DNAJC3: variants seen among roughly 807,000 people sequenced by gnomAD.
DNAJC3 encodes dnaJ homolog subfamily C member 3.
DNAJC3 carries 38 observed loss-of-function variants against 68.6 expected under a neutral mutation model. The observed-to-expected ratio is 0.55, with a 90% confidence interval of 0.43 to 0.73. The LOEUF (loss-of-function observed/expected upper bound fraction) is 0.73. Ranked by LOEUF, DNAJC3 falls within the 30% of genes least tolerant of loss-of-function variation. The pLI is 0.00. For synonymous variants in DNAJC3, 203 were observed against 204.0 expected, an observed-to-expected ratio of 1.00 and a Z score of 0.04; for missense variants, 526 against 591.9, an observed-to-expected ratio of 0.89 and a Z score of 1.16.
chr13:95,712,919 T>G (rs373825405), intron 2 of DNAJC3, among the ~76,000 whole-genome samples: 4 of 152,178 alleles, frequency 2.6e-5, no homozygotes, highest in African/African-American at 9.7e-5. Flanking sequence ...GTTAATTTAA[T>G]CATGGGGGTG....
chr13:95,705,319 C>T (rs1260753045), intron 1 of DNAJC3, among the ~76,000 whole-genome samples: 3 of 152,176 alleles, frequency 2.0e-5, no homozygotes, highest in East Asian at 1.9e-4. Flanking sequence ...CATTGATGTG[C>T]CCACCTAGTC....
At chr13:95,771,327 T>G (rs912115460) in intron 9 of DNAJC3, among the ~76,000 whole-genome samples, 2 of 152,174 alleles carry the variant, frequency 1.3e-5, no homozygotes, top group African/African-American at 4.8e-5. Context: ...TTAAAGACAG[T>G]AAGTCAGACT....
intron 1 of DNAJC3, among the ~76,000 whole-genome samples, chr13:95,680,613 G>A (rs1594765305): frequency 6.6e-6 from 1 of 152,300 alleles, no homozygotes; most frequent in East Asian, 1.9e-4. Context: ...TAGTATCAAA[G>A]TTCCAGTTCT....
chr13:95,773,465 C>T (rs1883210297), intron 9 of DNAJC3, among the ~76,000 whole-genome samples: 2 of 151,876 alleles, frequency 1.3e-5, no homozygotes, highest in African/African-American at 4.8e-5. Flanking sequence ...AGTCACTGCA[C>T]CTGGCCTTAT....
At chr13:95,780,671 T>C (rs577365122) in intron 9 of DNAJC3, among the ~76,000 whole-genome samples, 129 of 152,322 alleles carry the variant, frequency 8.5e-4, no homozygotes, top group Non-Finnish European at 1.1e-3. Context: ...TTTTGTGTGA[T>C]AGGCAGCAGG....
At chr13:95,713,627 G>A (rs991252491) in intron 2 of DNAJC3, among the ~76,000 whole-genome samples, 17 of 152,100 alleles carry the variant, frequency 1.1e-4, no homozygotes, top group African/African-American at 1.2e-4. Flanking sequence ...AAATTGACTC[G>A]CTGATTCTAA....
intron 1 of DNAJC3, among the ~76,000 whole-genome samples, chr13:95,700,306 G>T (rs1880550914): frequency 6.6e-6 from 1 of 152,216 alleles, no homozygotes; most frequent in African/African-American, 2.4e-5. Context: ...TTTCATAAAA[G>T]AGGTTTTCAG....
At chr13:95,762,848 T>TATGAGTGAGAATATG (rs1882865194) in intron 7 of DNAJC3, among the ~76,000 whole-genome samples, 1 of 152,154 alleles carries the variant, frequency 6.6e-6, no homozygotes, top group Non-Finnish European at 1.5e-5. Flanking sequence ...AGCTCCCACT[T>TATGAGTGAGAATATG]ATGAGTGAGA....
At chr13:95,719,438 C>A (rs901486257) in intron 2 of DNAJC3, among the ~76,000 whole-genome samples, 1 of 152,218 alleles carries the variant, frequency 6.6e-6, no homozygotes, top group African/African-American at 2.4e-5. Flanking sequence ...TGGTAACCAA[C>A]TCAACCTTCA....
At chr13:95,773,467 T>C (rs1883210358) in intron 9 of DNAJC3, among the ~76,000 whole-genome samples, 1 of 151,738 alleles carries the variant, frequency 6.6e-6, no homozygotes, top group South Asian at 2.1e-4. Flanking sequence ...TCACTGCACC[T>C]GGCCTTATTT....
At chr13:95,740,826 TGG>T (rs1882117882) in intron 4 of DNAJC3, among the ~76,000 whole-genome samples, 1 of 152,256 alleles carries the variant, frequency 6.6e-6, no homozygotes, top group Non-Finnish European at 1.5e-5. Flanking sequence ...TCGGCCATCT[TGG>T]CTCCTCCCCT....
chr13:95,695,778 T>TC (rs1217843986), intron 1 of DNAJC3: 1 of 152,216 alleles, frequency 6.6e-6, no homozygotes, highest in Non-Finnish European at 1.5e-5. Flanking sequence ...CCAGGACAAC[T>TC]CGGAGAAAAA....
intron 1 of DNAJC3, among the ~76,000 whole-genome samples, chr13:95,677,711 C>T (rs1174421174): frequency 2.0e-5 from 3 of 152,210 alleles, no homozygotes; most frequent in Admixed American, 6.5e-5. Context: ...CACTGTCAGT[C>T]ATTGGTGCTG....
At chr13:95,765,057 C>T (rs1001005943) in intron 9 of DNAJC3, among the ~76,000 whole-genome samples, 5 of 152,050 alleles carry the variant, frequency 3.3e-5, no homozygotes, top group African/African-American at 7.2e-5. Context: ...TTCCCAGTTT[C>T]CAGGGAATGA....
chr13:95,692,862 C>T (rs1353412942), intron 1 of DNAJC3: 2 of 151,450 alleles, frequency 1.3e-5, no homozygotes, highest in African/African-American at 4.9e-5. Flanking sequence ...GATCTTCTGC[C>T]CAGGCCGGAC....
intron 9 of DNAJC3, among the ~76,000 whole-genome samples, chr13:95,782,658 T>C (rs1389226851): frequency 6.6e-6 from 1 of 152,204 alleles, no homozygotes; most frequent in Non-Finnish European, 1.5e-5. Flanking sequence ...GTTGTTTTCT[T>C]GTAAATTTGT....
At chr13:95,694,530 A>G (rs532569352) in intron 1 of DNAJC3, 57 of 152,712 alleles carry the variant, frequency 3.7e-4, no homozygotes, top group Middle Eastern at 3.4e-3. Flanking sequence ...GACTAATGAT[A>G]GGAAAAATAA....
intron 9 of DNAJC3, among the ~76,000 whole-genome samples, chr13:95,780,808 G>C (rs2139692876): frequency 6.6e-6 from 1 of 152,330 alleles, no homozygotes; most frequent in East Asian, 1.9e-4. Flanking sequence ...ACACCTGTTA[G>C]GAAACTGTTT....
intron 4 of DNAJC3, among the ~76,000 whole-genome samples, chr13:95,751,253 T>C (rs1268932882): frequency 1.3e-5 from 2 of 152,178 alleles, no homozygotes; most frequent in Non-Finnish European, 2.9e-5. Context: ...AAAAAAGACA[T>C]ATATTCTGCT....
Sources: allele counts gnomAD v4.1 joint callset (sites outside exome capture counted in the v4.1 genomes callset), GRCh38; gene constraint gnomAD v4.1.1; transcripts MANE v1.5; gene names NCBI Gene and HGNC (gene_info 2026-07-23, HGNC 2026-07-21).